RNASET2: variants seen among roughly 807,000 people sequenced by gnomAD.
RNASET2 encodes the protein ribonuclease T2, also known as ribonuclease 6.
In RNASET2, 28 loss-of-function variants were observed where a neutral mutation model predicts 33.9. That is an observed-to-expected ratio of 0.83 (90% confidence interval 0.61 to 1.13). RNASET2 has a LOEUF of 1.13. RNASET2 is among the 50% of genes most tolerant of loss of function. RNASET2 has a pLI of 0.00. For missense variants in RNASET2, 330 were observed against 319.9 expected (o/e 1.03, Z -0.24); for synonymous variants, 123 against 121.0 (o/e 1.02, Z -0.11).
rs764035130 is a variant in RNASET2, at chr6:166,935,523, G to A, written c.447-1387C>T. On this transcript the variant is annotated intron_variant, in intron 6 of 8. Transcript: ENST00000508775. ...TGCTGAGTTGAGATGAGCTTGGCAC[G>A]CATCCCAGGTCTTTATCTGTGGGTA... Among the ~76,000 whole-genome samples, 98 of 152,118 alleles carry A rather than the reference G, an allele frequency of 6.4e-4. 2 individuals are homozygous for A. The highest frequency in any genetic ancestry group is 1.1e-3 in the Non-Finnish European group (78 of 68,036).
intron 5 of RNASET2, among the ~76,000 whole-genome samples, chr6:166,942,484 CTTTAT>C (rs1489329752): frequency 2.6e-5 from 4 of 152,134 alleles, no homozygotes; most frequent in African/African-American, 4.8e-5. Context: ...AAATTTGTAT[CTTTAT>C]TTTGTTTTTG....
chr6:166,940,366 T>C (rs528632254), intron 5 of RNASET2, among the ~76,000 whole-genome samples: 1 of 152,360 alleles, frequency 6.6e-6, no homozygotes, highest in Non-Finnish European at 1.5e-5. Flanking sequence ...TTGATTTAAC[T>C]CTCAGAAAAT....
intron 2 of RNASET2, 27 bp from the exon 3 acceptor site, chr6:166,948,652 G>C (rs777517463): frequency 8.4e-7 from 1 of 1,188,702 alleles, no homozygotes; most frequent in South Asian, 1.2e-5. Context: ...ACAAGAAAAT[G>C]ATTGGCTCTT....
intron 4 of RNASET2, 171 bp downstream of exon 4, chr6:166,946,511 A>G: frequency 1.6e-6 from 1 of 637,596 alleles, no homozygotes; most frequent in Non-Finnish European, 2.8e-6. Context: ...CAATTGGTGT[A>G]ATTTGTGGGG....
intron 5 of RNASET2, among the ~76,000 whole-genome samples, chr6:166,940,801 C>T (rs1274322792): frequency 6.6e-6 from 1 of 152,030 alleles, no homozygotes; most frequent in African/African-American, 2.4e-5. Flanking sequence ...AGCGTGTTGC[C>T]CTCTGTGCTG....
chr6:166,955,642 T>C, intron 1 of RNASET2: 1 of 1,002,134 alleles, frequency 1.0e-6, no homozygotes, highest in Non-Finnish European at 1.2e-6. Flanking sequence ...GGGATGAGTT[T>C]CCAGTCCAGC....
At chr6:166,950,796 C>A (rs1778965787) in intron 2 of RNASET2, among the ~76,000 whole-genome samples, 1 of 152,240 alleles carries the variant, frequency 6.6e-6, no homozygotes, top group Non-Finnish European at 1.5e-5. Context: ...GGGTGCCAAG[C>A]ACAGCAAAGG....
chr6:166,952,405 G>A (rs1051294843), intron 2 of RNASET2, 83 bp downstream of exon 2: 99 of 1,217,474 alleles, frequency 8.1e-5, no homozygotes, highest in Non-Finnish European at 1.1e-4. Flanking sequence ...AGCAGCGTGG[G>A]TGCCCTGGAC....
intron 1 of RNASET2, among the ~76,000 whole-genome samples, chr6:166,954,785 G>A (rs936267105): frequency 1.3e-5 from 2 of 152,202 alleles, no homozygotes; most frequent in African/African-American, 4.8e-5. Context: ...AGGCCGAGGC[G>A]GGCGGATCAC....
intron 3 of RNASET2, among the ~76,000 whole-genome samples, chr6:166,947,094 GAGACCTAAGTA>G (rs1395694013): frequency 6.6e-6 from 1 of 152,108 alleles, no homozygotes; most frequent in Non-Finnish European, 1.5e-5. Context: ...CCCTAGCACC[GAGACCTAAGTA>G]AGCTGACCCC....
Position 166,933,570 on chromosome 6 carries a change from C to T in RNASET2, c.492+521G>A, listed in dbSNP as rs568454402. On this transcript the variant is annotated intron_variant, in intron 7 of 8. Coordinates refer to ENST00000508775, the MANE Select transcript of RNASET2 (RefSeq NM_003730.6). This position sits in a 1 kb window ranked among gnomAD's most constrained non-coding sequence, Gnocchi z 4.1. ...CTCACTCTGCTGCCCAGGCTGGTCT[C>T]GAAATTCTAGCCACAAGCAATCCTC... The T allele has an allele frequency of 8.3e-5, 14 of 169,440 alleles. No individual in the cohort carries two copies. The East Asian group carries it at 1.5e-3, about 18-fold the overall frequency. The allele number at this position is 169,440 out of a possible 1,614,324, so 10.5% of individuals were successfully genotyped here.
chr6:166,954,430 C>T (rs1779057777), intron 1 of RNASET2, among the ~76,000 whole-genome samples: 1 of 152,204 alleles, frequency 6.6e-6, no homozygotes, highest in South Asian at 2.1e-4. Context: ...ACTGATTTCT[C>T]CTGAAGCCAA....
chr6:166,939,849 T>G (rs1438488348), intron 5 of RNASET2, among the ~76,000 whole-genome samples: 1 of 152,246 alleles, frequency 6.6e-6, no homozygotes, highest in South Asian at 2.1e-4. Flanking sequence ...CAATTTGTAT[T>G]CCAGAAAAAT....
chr6:166,924,514 C>T lies in RNASET2; in HGVS notation c.*5074G>A, dbSNP rs116341885. On this transcript the variant is annotated 3_prime_UTR_variant, in exon 9 of 9. Transcript: ENST00000508775. ...GCACAGAAGCGAGTTGGACAAAGTC[C>T]GGGCCTTTGTAGTGTGACGTGGCCA... Among the ~76,000 whole-genome samples, 950 of 152,314 alleles carry T rather than the reference C, an allele frequency of 6.2e-3. 10 individuals carry two copies. Among genetic ancestry groups the T allele is most frequent in the African/African-American group, 0.022 (915 of 41,562 alleles).
At position 166,927,720 on chromosome 6, in the gene RNASET2, A is replaced by G. The variant is rs1222791259; in HGVS notation, c.*1868T>C. On this transcript the variant is annotated 3_prime_UTR_variant, in exon 9 of 9. Transcript: ENST00000508775. ...TGTGTTCGCAAAATGACTCAAAAAA[A>G]AAAAAAAAAAAAAAAAGAATTGACA... Among the ~76,000 whole-genome samples the G allele has an allele frequency of 2.0e-5, 3 of 151,148 alleles. No individual in the cohort carries two copies. The highest frequency in any genetic ancestry group is 3.0e-5 in the Non-Finnish European group (2 of 67,746).
At position 166,925,152 on chromosome 6, in the gene RNASET2, T is replaced by C. The variant is rs1283722948; in HGVS notation, c.*4436A>G. Among the ~76,000 whole-genome samples the C allele has an allele frequency of 1.1e-4, 15 of 142,846 alleles. No individual in the cohort carries two copies. The highest frequency in any genetic ancestry group is 3.6e-4 in the African/African-American group (14 of 38,450). 93.7% of individuals were successfully genotyped at this position (142,846 alleles called of 152,430 possible). A position where few individuals can be genotyped will look rare whatever the true frequency, so the allele number is the denominator to read the frequency against. On this transcript the variant is annotated 3_prime_UTR_variant, in exon 9 of 9. Coordinates refer to ENST00000508775, the MANE Select transcript of RNASET2 (RefSeq NM_003730.6). ...TGCTGCCCAGGCCTCATCTACGCCA[T>C]CCAGCCCTCACTCCTGCCGCCCAGC...
chr6:166,933,353 A>G lies in RNASET2; in HGVS notation c.492+738T>C, dbSNP rs1778492048. 6.7e-6 allele frequency: 1 copy of G among 149,540 alleles called. No homozygotes were observed. The highest frequency in any genetic ancestry group is 6.7e-5 in the Admixed American group (1 of 14,988). 9.3% of individuals were successfully genotyped at this position (149,540 alleles called of 1,614,324 possible). On this transcript the variant is annotated intron_variant, in intron 7 of 8. Transcript: ENST00000508775. This position sits in a 1 kb window ranked among gnomAD's most constrained non-coding sequence, Gnocchi z 4.1. ...AAACAGGCAACCAAGAGTTGAAAACAACTACTTTTTCTTTTTTTTTTAAAG... is the reference window on the plus strand; with the variant it reads ...AAACAGGCAACCAAGAGTTGAAAACGACTACTTTTTCTTTTTTTTTTAAAG...
Position 166,925,316 on chromosome 6 carries a change from G to A in RNASET2, c.*4272C>T, listed in dbSNP as rs142922617. Among the ~76,000 whole-genome samples, 267 of 151,858 alleles carry A rather than the reference G, an allele frequency of 1.8e-3. No homozygotes were observed. The highest frequency in any genetic ancestry group is 5.9e-3 in the African/African-American group (244 of 41,380). Reference sequence around the variant, plus strand: ...ACTTAGCCCTCACCCATGCCATCTAGCCCTCACTCAAGCCACCCAGCTCTC... The same window carrying A: ...ACTTAGCCCTCACCCATGCCATCTAACCCTCACTCAAGCCACCCAGCTCTC... On this transcript the variant is annotated 3_prime_UTR_variant, in exon 9 of 9. Coordinates refer to ENST00000508775, the MANE Select transcript of RNASET2 (RefSeq NM_003730.6).
Position 166,928,310 on chromosome 6 carries a change from GTCTC to G in RNASET2, c.*1274_*1277del, listed in dbSNP as rs1289693134. Among the ~76,000 whole-genome samples the G allele has an allele frequency of 6.6e-6, 1 of 152,188 alleles. No homozygotes were observed. The highest frequency in any genetic ancestry group is 6.5e-5 in the Admixed American group (1 of 15,290). On this transcript the variant is annotated 3_prime_UTR_variant, in exon 9 of 9. Coordinates refer to ENST00000508775, the MANE Select transcript of RNASET2 (RefSeq NM_003730.6). ...CGTCCCATCTGCCTGGTAAACCTTTGTCTCTCTCTGAACATTCTGCATTTCAGAC... is the reference window on the plus strand; with the variant it reads ...CGTCCCATCTGCCTGGTAAACCTTTGTCTCTGAACATTCTGCATTTCAGAC...
Sources: gnomAD v4.1 joint callset for allele counts (sites outside exome capture counted in the v4.1 genomes callset) on GRCh38, gnomAD v4.1.1 for gene constraint, Gnocchi (gnomAD v3.1) non-coding constraint, MANE v1.5 for transcripts, NCBI Gene and HGNC (gene_info 2026-07-23, HGNC 2026-07-21) for gene names.